NPNT: variants seen among roughly 807,000 people sequenced by gnomAD.
The protein encoded by NPNT is preosteoblast EGF-like repeat protein with MAM domain.
NPNT carries 45 observed loss-of-function variants against 68.6 expected under a neutral mutation model. That is an observed-to-expected ratio of 0.66 (90% CI 0.52 to 0.84). The LOEUF is 0.84. NPNT is among the 40% of genes least tolerant of loss of function. NPNT has a pLI of 0.00. For synonymous variants in NPNT, 233 were observed against 253.3 expected (o/e 0.92, Z 0.76); for missense variants, 672 against 714.8 (o/e 0.94, Z 0.68).
rs1732407406 is a variant in NPNT at position 105,969,279 on chromosome 4, A to G, written c.*289A>G. 1 of 275,384 alleles carries G rather than the reference A, an allele frequency of 3.6e-6. No homozygotes were observed. Among genetic ancestry groups the G allele is most frequent in the Non-Finnish European group, 6.9e-6 (1 of 144,936 alleles). The allele number at this position is 275,384 out of a possible 1,614,324, so 17.1% of individuals were successfully genotyped here. ...AAGGCATTCAGCATGCGTGAGCCAT[A>G]CCATCCTCCATCCTGATTACAAGGT... On this transcript the variant is annotated 3_prime_UTR_variant, in exon 12 of 12. Coordinates refer to ENST00000379987, the MANE Select transcript of NPNT (RefSeq NM_001033047.3).
Position 105,932,704 on chromosome 4 carries a change from G to A in NPNT, c.266-4305G>A. The A allele has an allele frequency of 1.3e-6, 2 of 1,534,134 alleles. 1 individual carries two copies. The highest frequency in any genetic ancestry group is 4.9e-5 in the East Asian group (2 of 40,902). On this transcript the variant is annotated intron_variant, in intron 3 of 11. Transcript: ENST00000379987. ...CAAGCCACAAGTTTGCCTTCAAGGG[G>A]TGAGCGTGCATTGTCCCAGGTGGTC...
chr4:105,910,121 G>A (rs140011157), intron 2 of NPNT, among the ~76,000 whole-genome samples: 239 of 151,144 alleles, frequency 1.6e-3, no homozygotes, highest in African/African-American at 5.4e-3. Context: ...TTCCTAACAC[G>A]GTCCAAAGTT....
At chr4:105,906,800 G>A (rs1484144164) in intron 2 of NPNT, among the ~76,000 whole-genome samples, 6 of 152,160 alleles carry the variant, frequency 3.9e-5, no homozygotes, top group Non-Finnish European at 7.4e-5. Flanking sequence ...GAAATTAGTG[G>A]GAGATTTTTT....
intron 10 of NPNT, among the ~76,000 whole-genome samples, chr4:105,965,588 A>G (rs1732058023): frequency 6.6e-6 from 1 of 152,208 alleles, no homozygotes; most frequent in African/African-American, 2.4e-5. Flanking sequence ...CGAAACTTGC[A>G]GGTTAACTGT....
chr4:105,919,166 T>A (rs1402398627), intron 2 of NPNT, among the ~76,000 whole-genome samples: 4 of 152,158 alleles, frequency 2.6e-5, no homozygotes, highest in South Asian at 2.1e-4. Context: ...ATTAAAAAAA[T>A]TTTAAATCCA....
At chr4:105,957,688 T>C (rs1294655962) in intron 8 of NPNT, among the ~76,000 whole-genome samples, 1 of 152,018 alleles carries the variant, frequency 6.6e-6, no homozygotes. Context: ...AAGTGTGTAA[T>C]AGGGGCTTAT....
intron 3 of NPNT, among the ~76,000 whole-genome samples, chr4:105,933,147 ATT>A (rs1465268527): frequency 1.3e-5 from 2 of 152,156 alleles, no homozygotes; most frequent in Non-Finnish European, 2.9e-5. Context: ...TTTGGTATAC[ATT>A]GTGTAACATC....
At chr4:105,936,916 TC>T (rs1462418247) in intron 3 of NPNT, 92 bp from the exon 4 acceptor site, 1 of 1,258,586 alleles carries the variant, frequency 7.9e-7, no homozygotes, top group African/African-American at 1.5e-5. Flanking sequence ...CCTATTTTTC[TC>T]TTTCATTTTT....
chr4:105,959,198 T>C (rs1560541126), intron 10 of NPNT, 72 bp downstream of exon 10: 18 of 898,700 alleles, frequency 2.0e-5, no homozygotes, highest in Non-Finnish European at 2.8e-5. Flanking sequence ...CCACTGCTGC[T>C]AATCAAGTCT....
At chr4:105,901,718 C>CTACA (rs1726435457) in intron 2 of NPNT, among the ~76,000 whole-genome samples, 1 of 152,148 alleles carries the variant, frequency 6.6e-6, no homozygotes, top group Non-Finnish European at 1.5e-5. Flanking sequence ...AAACCTACAC[C>CTACA]TACAGATTGA....
At chr4:105,962,107 C>T (rs778667262) in intron 10 of NPNT, among the ~76,000 whole-genome samples, 3 of 152,098 alleles carry the variant, frequency 2.0e-5, no homozygotes, top group Non-Finnish European at 4.4e-5. Context: ...TCTAAGCGAA[C>T]CTTGTGATGT....
rs1299861978 is a variant in NPNT at position 105,970,610 on chromosome 4, T to G, written c.*1620T>G. The G allele has an allele frequency of 1.5e-6, 1 of 663,290 alleles. No homozygotes were observed. The allele number at this position is 663,290 out of a possible 1,614,324, so 41.1% of individuals were successfully genotyped here. On this transcript the variant is annotated 3_prime_UTR_variant, in exon 12 of 12. Coordinates refer to ENST00000379987, the MANE Select transcript of NPNT (RefSeq NM_001033047.3). ...AGACTAGAGTATAAGGGAGCATTTCTTGGCAGGGGCCATTGTTAGAATACT... is the reference window on the plus strand; with the variant it reads ...AGACTAGAGTATAAGGGAGCATTTCGTGGCAGGGGCCATTGTTAGAATACT...
chr4:105,967,694 GA>G (rs544786994), intron 11 of NPNT, among the ~76,000 whole-genome samples: 208 of 149,292 alleles, frequency 1.4e-3, no homozygotes, highest in African/African-American at 4.4e-3. Flanking sequence ...TTTTTTAATG[GA>G]AAAAAAAATC....
At chr4:105,953,261 T>C (rs1403739180) in intron 8 of NPNT, among the ~76,000 whole-genome samples, 1 of 152,212 alleles carries the variant, frequency 6.6e-6, no homozygotes, top group Non-Finnish European at 1.5e-5. Context: ...GAAATAGGTA[T>C]GTCACAAAAA....
chr4:105,909,182 G>T (rs1425822711), intron 2 of NPNT, among the ~76,000 whole-genome samples: 2 of 152,130 alleles, frequency 1.3e-5, no homozygotes. Flanking sequence ...GTTTAGAGTT[G>T]ATTTTATATT....
chr4:105,906,158 T>C (rs1726874489), intron 2 of NPNT, among the ~76,000 whole-genome samples: 1 of 152,214 alleles, frequency 6.6e-6, no homozygotes, highest in Non-Finnish European at 1.5e-5. Flanking sequence ...TGTCCTACAA[T>C]TTGGCTACTA....
chr4:105,941,758 A>G (rs929231054), intron 7 of NPNT, among the ~76,000 whole-genome samples: 2 of 152,208 alleles, frequency 1.3e-5, no homozygotes, highest in Admixed American at 1.3e-4. Flanking sequence ...ATAAAAACCG[A>G]CCATAAAACA....
chr4:105,912,484 A>G (rs146315932), intron 2 of NPNT: 236 of 458,990 alleles, frequency 5.1e-4, no homozygotes, highest in Non-Finnish European at 7.4e-4. Flanking sequence ...TGTTTTATGA[A>G]TCTAATAAAT....
Position 105,895,559 on chromosome 4 carries a change from C to G in NPNT, c.-94C>G. 1 of 1,049,914 alleles carries G rather than the reference C, an allele frequency of 9.5e-7. No homozygotes were observed. The highest frequency in any genetic ancestry group is 1.6e-5 in the African/African-American group (1 of 61,242). 65.0% of individuals were successfully genotyped at this position (1,049,914 alleles called of 1,614,324 possible). ...CGGGCGGCGAGGGCTGGGGGTTCCTCGAGACTCTCAGAGGGGCGCCTCCCA... is the reference window on the plus strand; with the variant it reads ...CGGGCGGCGAGGGCTGGGGGTTCCTGGAGACTCTCAGAGGGGCGCCTCCCA... On this transcript the variant is annotated 5_prime_UTR_variant, in exon 1 of 12. Transcript: ENST00000379987.
Sources: allele counts gnomAD v4.1 joint callset (sites outside exome capture counted in the v4.1 genomes callset), GRCh38; gene constraint gnomAD v4.1.1; transcripts MANE v1.5; gene names NCBI Gene and HGNC (gene_info 2026-07-23, HGNC 2026-07-21).